SH3RF3: variants seen among roughly 807,000 people sequenced by gnomAD.
SH3RF3 encodes E3 ubiquitin-protein ligase SH3RF3.
Under a neutral mutation model 66.3 loss-of-function variants are expected in SH3RF3, and 29 were observed. That is an observed-to-expected ratio of 0.44 (90% CI 0.33 to 0.60). The LOEUF is 0.60. SH3RF3 is among the 20% of genes least tolerant of loss of function. The pLI is 0.04. For synonymous variants in SH3RF3, 583 were observed against 532.0 expected (o/e 1.10, Z -1.32); for missense variants, 1,194 against 1,190.9 (o/e 1.00, Z -0.04).
chr2:109,401,511 A>G (rs1019911482), intron 4 of SH3RF3, among the ~76,000 whole-genome samples: 2 of 152,162 alleles, frequency 1.3e-5, no homozygotes, highest in African/African-American at 4.8e-5. Flanking sequence ...GCCAGTGCCT[A>G]TCCTGACAAG....
chr2:109,254,470 A>C (rs1439280047), intron 1 of SH3RF3, among the ~76,000 whole-genome samples: 1 of 152,182 alleles, frequency 6.6e-6, no homozygotes, highest in African/African-American at 2.4e-5. Flanking sequence ...GGCCTGACAC[A>C]TTGCATGTAA....
chr2:109,171,992 G>A (rs567324601), intron 1 of SH3RF3, among the ~76,000 whole-genome samples: 2 of 152,190 alleles, frequency 1.3e-5, no homozygotes, highest in Admixed American at 6.5e-5. Context: ...CAGCTGAGTC[G>A]CCCGTTTCCC....
chr2:109,390,129 C>A (rs560449257), intron 3 of SH3RF3, among the ~76,000 whole-genome samples: 1 of 152,244 alleles, frequency 6.6e-6, no homozygotes, highest in African/African-American at 2.4e-5. Flanking sequence ...GGGTCCCCAC[C>A]TGCTGCCAAG....
chr2:109,249,342 A>C (rs1189058239), intron 1 of SH3RF3, among the ~76,000 whole-genome samples: 2 of 152,180 alleles, frequency 1.3e-5, no homozygotes, highest in African/African-American at 2.4e-5. Context: ...CTTTGCAAAA[A>C]ATCCCCGAGC....
intron 4 of SH3RF3, among the ~76,000 whole-genome samples, chr2:109,408,188 GC>G (rs1421806936): frequency 1.3e-5 from 2 of 152,162 alleles, no homozygotes; most frequent in African/African-American, 2.4e-5. Flanking sequence ...CCACCGGTAG[GC>G]CCCATGGGAC....
chr2:109,134,252 TC>T (rs1676767564), intron 1 of SH3RF3, among the ~76,000 whole-genome samples: 1 of 152,208 alleles, frequency 6.6e-6, no homozygotes, highest in African/African-American at 2.4e-5. Context: ...ATTCTGTTCC[TC>T]CGCCCTTCTG....
chr2:109,199,269 C>G (rs1486774279), intron 1 of SH3RF3, among the ~76,000 whole-genome samples: 1 of 30,638 alleles, frequency 3.3e-5, no homozygotes. Flanking sequence ...TTGCAGTGAG[C>G]CGAGATCATG....
intron 1 of SH3RF3, among the ~76,000 whole-genome samples, chr2:109,237,945 GTTT>G (rs1558974363): frequency 1.3e-5 from 2 of 152,186 alleles, no homozygotes; most frequent in Non-Finnish European, 2.9e-5. Context: ...AATTAAAATG[GTTT>G]TTATGACCAC....
intron 1 of SH3RF3, among the ~76,000 whole-genome samples, chr2:109,261,228 C>T (rs1049987528): frequency 1.3e-5 from 2 of 152,078 alleles, no homozygotes; most frequent in Admixed American, 6.5e-5. Context: ...AAAGCGAGGG[C>T]CCTGGCTGAT....
intron 1 of SH3RF3, among the ~76,000 whole-genome samples, chr2:109,199,612 T>TAAACCCGAGTAGTAC (rs1574499835): frequency 3.0e-3 from 1 of 336 alleles, no homozygotes; most frequent in African/African-American, 8.8e-3. Context: ...TGGAATGGAA[T>TAAACCCGAGTAGTAC]GGAATGGAAT....
At chr2:109,441,552 G>C (rs1195462349) in intron 7 of SH3RF3, among the ~76,000 whole-genome samples, 1 of 152,200 alleles carries the variant, frequency 6.6e-6, no homozygotes, top group Non-Finnish European at 1.5e-5. Flanking sequence ...CGTGAGCAAT[G>C]GGACAACTTT....
intron 5 of SH3RF3, among the ~76,000 whole-genome samples, chr2:109,421,011 G>A (rs1676862679): frequency 6.6e-6 from 1 of 152,186 alleles, no homozygotes; most frequent in Non-Finnish European, 1.5e-5. Context: ...TGATATTCAA[G>A]TTTTCACCAG....
intron 1 of SH3RF3, among the ~76,000 whole-genome samples, chr2:109,223,136 A>G (rs1024309970): frequency 6.6e-6 from 1 of 152,212 alleles, no homozygotes; most frequent in African/African-American, 2.4e-5. Flanking sequence ...AGGTGGGAGG[A>G]TGAGGTTGCC....
chr2:109,248,955 G>C (rs1342717885), intron 1 of SH3RF3, among the ~76,000 whole-genome samples: 1 of 151,058 alleles, frequency 6.6e-6, no homozygotes, highest in Non-Finnish European at 1.5e-5. Context: ...ACCCAGGCTG[G>C]GATGCAGCCT....
chr2:109,202,083 A>G (rs891685401), intron 1 of SH3RF3, among the ~76,000 whole-genome samples: 2 of 152,370 alleles, frequency 1.3e-5, no homozygotes, highest in Middle Eastern at 3.4e-3. Context: ...CAGGAGGCAC[A>G]CAGCCTCCCC....
At chr2:109,466,037 G>A (rs1678335038) in intron 8 of SH3RF3, among the ~76,000 whole-genome samples, 1 of 144,658 alleles carries the variant, frequency 6.9e-6, no homozygotes, top group East Asian at 2.2e-4. Context: ...ATAATGCTGA[G>A]CATCTTTTCA....
intron 1 of SH3RF3, among the ~76,000 whole-genome samples, chr2:109,273,373 A>G (rs1011896351): frequency 6.6e-6 from 1 of 152,210 alleles, no homozygotes; most frequent in African/African-American, 2.4e-5. Flanking sequence ...TTGAGCCTTA[A>G]CGCATGGATG....
At chr2:109,269,664 A>G (rs563967705) in intron 1 of SH3RF3, among the ~76,000 whole-genome samples, 6 of 152,234 alleles carry the variant, frequency 3.9e-5, no homozygotes, top group South Asian at 2.1e-4. Context: ...GCCTAGTCCC[A>G]GCTACTCAGG....
intron 1 of SH3RF3, among the ~76,000 whole-genome samples, chr2:109,237,904 G>A (rs1226974899): frequency 1.3e-5 from 2 of 152,162 alleles, no homozygotes; most frequent in African/African-American, 4.8e-5. Context: ...ATAAGCTATG[G>A]TATATAAATT....
Sources: gnomAD v4.1 joint callset for allele counts (sites outside exome capture counted in the v4.1 genomes callset) on GRCh38, gnomAD v4.1.1 for gene constraint, MANE v1.5 for transcripts, NCBI Gene and HGNC (gene_info 2026-07-23, HGNC 2026-07-21) for gene names.